The following SUPT20H variants were observed in gnomAD, a reference collection of about 807,000 sequenced individuals.
SUPT20H encodes transcription factor SPT20 homolog.
Under a neutral mutation model 122.8 loss-of-function variants are expected in SUPT20H, and 82 were observed. That is an observed-to-expected ratio of 0.67 (90% confidence interval 0.56 to 0.80). The LOEUF is 0.80. Among genes scored for constraint, SUPT20H ranks in the 30% least tolerant of loss-of-function variants. The pLI, the probability that SUPT20H is intolerant of heterozygous loss-of-function variation, is 0.00. For missense variants in SUPT20H, 831 were observed against 921.6 expected (o/e 0.90, Z 1.27); for synonymous variants, 291 against 313.0 (o/e 0.93, Z 0.74).
chr13:37,026,905 G>T, intron 14 of SUPT20H, 89 bp from the exon 15 acceptor site: 1 of 806,480 alleles, frequency 1.2e-6, no homozygotes, highest in Non-Finnish European at 1.8e-6. Flanking sequence ...TATGAATATG[G>T]AAGAATGACT....
At position 37,024,401 on chromosome 13, in the gene SUPT20H, CT is replaced by C; in HGVS notation, c.1370del (p.Lys457ArgfsTer3). ...TTGGTGGGGGTCGATGTTTTACACC[CT>C]TCCCCAATACCGAAGACTGAACTGA... ...TVSVQSSVLG[K>X]GVKHRPPPIK... On this transcript the variant is annotated frameshift_variant, in exon 18 of 26. Coordinates refer to ENST00000350612, the MANE Select transcript of SUPT20H (RefSeq NM_001014286.3). LOFTEE classifies it high-confidence loss of function. The C allele has an allele frequency of 6.3e-7, 1 of 1,590,460 alleles. No individual in the cohort carries two copies. Among genetic ancestry groups the C allele is most frequent in the South Asian group, 1.2e-5 (1 of 85,800 alleles).
At chr13:37,028,706 G>A (rs1201737950) in intron 13 of SUPT20H, among the ~76,000 whole-genome samples, 5 of 151,702 alleles carry the variant, frequency 3.3e-5, no homozygotes, top group Admixed American at 6.6e-5. Context: ...TATTACCTCC[G>A]TATTAGAAGT....
rs1395958377 is a variant in SUPT20H, at chr13:37,031,897, T to G, written c.708-2A>C. The G allele has an allele frequency of 6.4e-7, 1 of 1,572,248 alleles. No homozygotes were observed. Among genetic ancestry groups the G allele is most frequent in the Non-Finnish European group, 8.6e-7 (1 of 1,167,826 alleles). ...GATCTGGAATACCTCTTGAAACACCTGAAATATTAAGAAATTTGAACTAAA... is the reference window on the plus strand; with the variant it reads ...GATCTGGAATACCTCTTGAAACACCGGAAATATTAAGAAATTTGAACTAAA... On this transcript the variant is annotated splice_acceptor_variant, in intron 10 of 25. Coordinates refer to ENST00000350612, the MANE Select transcript of SUPT20H (RefSeq NM_001014286.3). LOFTEE classifies it high-confidence loss of function.
chr13:37,047,734 T>C (rs994787719), intron 4 of SUPT20H, 133 bp from the exon 5 acceptor site: 3 of 1,199,258 alleles, frequency 2.5e-6, no homozygotes, highest in East Asian at 2.8e-5. Flanking sequence ...GAGCTGAATA[T>C]AGTAGCTAAC....
rs1397892024 is a variant in SUPT20H, at chr13:37,028,293, C to T, written c.1006G>A (p.Asp336Asn). 1.9e-6 allele frequency: 3 copies of T among 1,606,672 alleles called. No homozygotes were observed. In the South Asian group the frequency reaches 3.4e-5, roughly 18 times the overall value. Residue 336 changes from aspartate (D) to asparagine (N), a missense_variant, in exon 14 of 26, where the codon GAT becomes AAT. Physicochemically the swap from Asp to Asn is conservative, Grantham distance 23. Coordinates refer to ENST00000350612, the MANE Select transcript of SUPT20H (RefSeq NM_001014286.3). ...TVWPAHDVKD[D>N]YVFECEAGTQ... ...CCAGCTTCACATTCAAATACATAAT[C>T]ATCTTTTACATCCTGAAAAATGCAT... is the stretch of plus-strand genomic sequence containing the variant.
chr13:37,052,153 AC>A (rs1304974869), intron 1 of SUPT20H, among the ~76,000 whole-genome samples: 2 of 152,156 alleles, frequency 1.3e-5, no homozygotes, highest in Non-Finnish European at 2.9e-5. Context: ...GCTACCATTA[AC>A]TTTCTTCACA....
rs1262691031 is a variant in SUPT20H at position 37,033,573 on chromosome 13, G to C, written c.583C>G (p.Leu195Val). ...HKWTQEDKLL[L>V]ESQLILATAE... is the part of the protein sequence containing the mutation. ...GTAGCTAGGATGAGCTGGCTCTCAA[G>C]CAAAAGTTTGTCTTCCTGAAATGTG... Residue 195 changes from leucine (L) to valine (V), a missense_variant, in exon 10 of 26, where the codon CTT (leucine) becomes GTT (valine). Leu to Val is a conservative substitution (Grantham distance 32). Coordinates refer to ENST00000350612, the MANE Select transcript of SUPT20H (RefSeq NM_001014286.3). The C allele has an allele frequency of 6.2e-7, 1 of 1,612,830 alleles. No homozygotes were observed.
chr13:37,032,729 A>G (rs1057492008), intron 10 of SUPT20H, among the ~76,000 whole-genome samples: 33 of 152,136 alleles, frequency 2.2e-4, no homozygotes, highest in Non-Finnish European at 3.7e-4. Context: ...ACTACCGGGG[A>G]AAAATCCCCT....
intron 7 of SUPT20H, among the ~76,000 whole-genome samples, chr13:37,042,349 T>C (rs530547110): frequency 3.9e-5 from 6 of 152,198 alleles, no homozygotes; most frequent in African/African-American, 1.4e-4. Flanking sequence ...GGAATGGCCA[T>C]GGTGAGGCAT....
chr13:37,047,863 A>G lies in SUPT20H; in HGVS notation c.98+15T>C. On this transcript the variant is annotated intron_variant, in intron 4 of 25. Transcript: ENST00000350612. ...TTTCAATGAATCTAAGATGTTACCA[A>G]TTAATTATTCATACCTTCCACTTGA... 1 of 1,599,098 alleles carries G rather than the reference A, an allele frequency of 6.3e-7. No individual in the cohort carries two copies. Among genetic ancestry groups the G allele is most frequent in the Non-Finnish European group, 8.5e-7 (1 of 1,172,088 alleles).
At chr13:37,010,500 T>G in intron 25 of SUPT20H, 52 bp downstream of exon 25, 1 of 1,496,754 alleles carries the variant, frequency 6.7e-7, no homozygotes, top group Non-Finnish European at 9.3e-7. Context: ...TTGAGGTACT[T>G]TTGGAGCTGA....
chr13:37,056,370 G>C (rs926478611), intron 1 of SUPT20H, among the ~76,000 whole-genome samples: 4 of 152,162 alleles, frequency 2.6e-5, no homozygotes, highest in Non-Finnish European at 4.4e-5. Flanking sequence ...CAACCCAAAT[G>C]TCCAACAATG....
At chr13:37,016,302 T>G (rs907290584) in intron 23 of SUPT20H, among the ~76,000 whole-genome samples, 3 of 151,942 alleles carry the variant, frequency 2.0e-5, no homozygotes, top group African/African-American at 7.3e-5. Context: ...TGGTGGCACA[T>G]GTCTGTAGCG....
intron 16 of SUPT20H, chr13:37,025,707 TA>T (rs2062137172): frequency 3.1e-6 from 1 of 321,572 alleles, no homozygotes; most frequent in African/African-American, 2.2e-5. Flanking sequence ...AGGGATTACT[TA>T]AGTAATAAGC....
chr13:37,049,457 T>C (rs763812050), intron 2 of SUPT20H, among the ~76,000 whole-genome samples: 1 of 152,076 alleles, frequency 6.6e-6, no homozygotes, highest in Admixed American at 6.6e-5. Context: ...AAATTAAACA[T>C]GGCCAGGCAT....
At chr13:37,058,885 G>A (rs887167559) in intron 1 of SUPT20H, among the ~76,000 whole-genome samples, 2 of 152,102 alleles carry the variant, frequency 1.3e-5, no homozygotes, top group Non-Finnish European at 2.9e-5. Flanking sequence ...TTATAACATG[G>A]TGATCAACCC....
At chr13:37,055,426 C>A (rs890309944) in intron 1 of SUPT20H, among the ~76,000 whole-genome samples, 14 of 152,016 alleles carry the variant, frequency 9.2e-5, no homozygotes, top group Non-Finnish European at 1.8e-4. Context: ...GAGATATAGA[C>A]CAATGGAACA....
At chr13:37,041,140 TTTG>T (rs2065389661) in intron 7 of SUPT20H, among the ~76,000 whole-genome samples, 1 of 152,234 alleles carries the variant, frequency 6.6e-6, no homozygotes. Flanking sequence ...AACTTCTATA[TTTG>T]CTCTGCTAAA....
intron 22 of SUPT20H, among the ~76,000 whole-genome samples, chr13:37,017,804 T>A (rs2060777196): frequency 6.6e-6 from 1 of 152,214 alleles, no homozygotes; most frequent in African/African-American, 2.4e-5. Flanking sequence ...CAAGATCTTT[T>A]GTATAACACA....
Sources: allele counts gnomAD v4.1 joint callset (sites outside exome capture counted in the v4.1 genomes callset), GRCh38; gene constraint gnomAD v4.1.1; transcripts MANE v1.5; gene names NCBI Gene and HGNC (gene_info 2026-07-23, HGNC 2026-07-21).